Variants in NLRP4 observed in about 807,000 individuals in gnomAD.
The protein encoded by NLRP4 is NACHT, LRR and PYD domains-containing protein 4.
NLRP4 carries 44 observed loss-of-function variants against 84.7 expected under a neutral mutation model. That is an observed-to-expected ratio of 0.52 (90% CI 0.41 to 0.67). The LOEUF (loss-of-function observed/expected upper bound fraction) is 0.67, where lower values mean the gene tolerates loss of function less well. Ranked by LOEUF, NLRP4 falls within the 30% of genes least tolerant of loss-of-function variation. The pLI is 0.00. For synonymous variants in NLRP4, 544 were observed against 476.4 expected (o/e 1.14, Z -1.85); for missense variants, 1,260 against 1,219.4 (o/e 1.03, Z -0.50).
At chr19:55,865,912 G>A (rs1984935847) in intron 5 of NLRP4, among the ~76,000 whole-genome samples, 1 of 152,180 alleles carries the variant, frequency 6.6e-6, no homozygotes, top group Non-Finnish European at 1.5e-5. Context: ...AAGCACAAAA[G>A]CTTCTAATCT....
At position 55,853,867 on chromosome 19, in the gene NLRP4, CTCTT is replaced by C. The variant is rs1420967426; in HGVS notation, c.280+1511_280+1514del. Among the ~76,000 whole-genome samples the C allele has an allele frequency of 5.9e-5, 9 of 151,356 alleles. 1 individual carries two copies. The highest frequency in any genetic ancestry group is 2.1e-4 in the South Asian group (1 of 4,762). ...GTTCTGTCTTTCTCTCTCTTCCTCTCTCTTTCTCTCTTGCTATCTCTTTCTCTCT... is the reference window on the plus strand; with the variant it reads ...GTTCTGTCTTTCTCTCTCTTCCTCTCTCTCTCTTGCTATCTCTTTCTCTCT... On this transcript the variant is annotated intron_variant, in intron 2 of 9. Coordinates refer to ENST00000301295, the MANE Select transcript of NLRP4 (RefSeq NM_134444.5).
Position 55,858,105 on chromosome 19 carries a change from G to A in NLRP4, c.712G>A (p.Gly238Ser). The A allele has an allele frequency of 1.2e-6, 2 of 1,614,126 alleles. No individual in the cohort carries two copies. Among genetic ancestry groups the A allele is most frequent in the South Asian group, 1.1e-5 (1 of 91,058 alleles). Reference sequence around the variant, plus strand: ...CATCGACAGCTTCGAAGAGCTGCAGGGCGGCTTGAACGAACCCGATTCGGA... The same window carrying A: ...CATCGACAGCTTCGAAGAGCTGCAGAGCGGCTTGAACGAACCCGATTCGGA... The part of the protein sequence containing the change: ...FVIDSFEELQ[G>S]GLNEPDSDLC... Residue 238 changes from glycine to serine, a missense_variant, in exon 3 of 10, where the codon GGC becomes AGC. This residue lies in a region of NLRP4 where 712 missense variants were observed against 669.2 expected (regional missense o/e 1.06). Coordinates refer to ENST00000301295, the MANE Select transcript of NLRP4 (RefSeq NM_134444.5). The surrounding 1 kb of genome is among the most constrained non-coding windows in gnomAD (Gnocchi z 4.2).
In NLRP4 at chr19:55,858,697, C is replaced by T; in HGVS notation, c.1304C>T (p.Thr435Ile). 6.2e-7 allele frequency: 1 copy of T among 1,614,022 alleles called. No individual in the cohort carries two copies. The highest frequency in any genetic ancestry group is 8.5e-7 in the Non-Finnish European group (1 of 1,179,954). ...GCTGACATCCCTGCGCTGCTGGGCA[C>T]CAAGATACTTCTGAAGTACGGGGAG... ...VDADIPALLG[T>I]KILLKYGERE... The change falls in exon 3 of 10, where the codon ACC (threonine) becomes ATC (isoleucine). Residue 435 changes from threonine (T) to isoleucine (I), a missense_variant. This residue lies in a region of NLRP4 where 712 missense variants were observed against 669.2 expected (regional missense o/e 1.06). Transcript: ENST00000301295. The surrounding 1 kb of genome is among the most constrained non-coding windows in gnomAD (Gnocchi z 4.2).
intron 1 of NLRP4, among the ~76,000 whole-genome samples, chr19:55,850,365 A>C (rs1280652067): frequency 2.1e-5 from 1 of 47,988 alleles, no homozygotes. Flanking sequence ...CTGCGGTGTA[A>C]TTTCCGAGGC....
rs775566939 is a variant in NLRP4 at position 55,858,928 on chromosome 19, A to G, written c.1535A>G (p.Gln512Arg). ...ACTGGCCTTTTAAATAAAAAGGAAC[A>G]AGAAAAACTGGATGCGTTTTTTGGC... Reference protein sequence around the residue: ...FLTGLLNKKEQEKLDAFFGFQ... With the variant: ...FLTGLLNKKEREKLDAFFGFQ... The change falls in exon 3 of 10, where the codon CAA (glutamine) becomes CGA (arginine). Residue 512 changes from glutamine (Q) to arginine (R), a missense_variant. Around this residue, in one of 3 missense-constraint regions of NLRP4, gnomAD observed 712 missense variants for 669.2 expected, o/e 1.06. Transcript: ENST00000301295. The surrounding 1 kb of genome is among the most constrained non-coding windows in gnomAD (Gnocchi z 4.2). 2.5e-6 allele frequency: 4 copies of G among 1,614,142 alleles called. No individual in the cohort carries two copies. The East Asian group carries it at 8.9e-5, about 36-fold the overall frequency.
intron 1 of NLRP4, among the ~76,000 whole-genome samples, chr19:55,841,837 C>G (rs1377109513): frequency 6.6e-6 from 1 of 152,076 alleles, no homozygotes; most frequent in African/African-American, 2.4e-5. Flanking sequence ...TGCACTCCAG[C>G]CTGGGTGATA....
intron 1 of NLRP4, among the ~76,000 whole-genome samples, chr19:55,850,748 C>CCGAGGCTGCGGTGTAATGT (rs1984073505): frequency 1.0e-5 from 1 of 95,856 alleles, no homozygotes; most frequent in Non-Finnish European, 2.0e-5. Context: ...CGGTGTACTT[C>CCGAGGCTGCGGTGTAATGT]CCGAGGCTGC....
intron 2 of NLRP4, among the ~76,000 whole-genome samples, chr19:55,856,744 G>C (rs923195807): frequency 2.0e-5 from 3 of 152,006 alleles, no homozygotes; most frequent in Non-Finnish European, 4.4e-5. Flanking sequence ...TTGATCTCTT[G>C]ACTTCATGAT....
In NLRP4 at chr19:55,858,431, C is replaced by T; in HGVS notation, c.1038C>T (p.Ile346=). The T allele has an allele frequency of 6.2e-7, 1 of 1,614,110 alleles. No homozygotes were observed. Among genetic ancestry groups the T allele is most frequent in the East Asian group, 2.2e-5 (1 of 44,884 alleles). Residue 346 remains isoleucine, a synonymous_variant, in exon 3 of 10, where the codon ATC becomes ATT. Coordinates refer to ENST00000301295, the MANE Select transcript of NLRP4 (RefSeq NM_134444.5). This position sits in a 1 kb window ranked among gnomAD's most constrained non-coding sequence, Gnocchi z 4.2. Reference sequence around the variant, plus strand: ...GCCAAATCCCGCTCCTCTGCTGGATCCTGTGTACCAGTCTGAAGCAAGAGA... The same window carrying T: ...GCCAAATCCCGCTCCTCTGCTGGATTCTGTGTACCAGTCTGAAGCAAGAGA... ...SICQIPLLCW[I]LCTSLKQEMQ...
rs1401989710 is a variant in NLRP4 at position 55,849,892 on chromosome 19, GGCCGGCGGTGTAATTTCCGTA to G, written c.-65-2119_-65-2099del. Among the ~76,000 whole-genome samples the G allele has an allele frequency of 7.0e-3, 153 of 21,924 alleles. 6 individuals are homozygous for G. The highest frequency in any genetic ancestry group is 0.023 in the Middle Eastern group (1 of 44). The allele number at this position is 21,924 out of a possible 152,430, so 14.4% of individuals were successfully genotyped here. ...TCCGTGGCCGCGGTGTAATTTCCGT[GGCCGGCGGTGTAATTTCCGTA>G]GCCGCGGTGTAATTTCCGTAGCCGC... On this transcript the variant is annotated intron_variant, in intron 1 of 9. Coordinates refer to ENST00000301295, the MANE Select transcript of NLRP4 (RefSeq NM_134444.5).
intron 1 of NLRP4, among the ~76,000 whole-genome samples, chr19:55,840,616 TC>T (rs1845653588): frequency 6.6e-6 from 1 of 152,210 alleles, no homozygotes; most frequent in Admixed American, 6.5e-5. Flanking sequence ...GCCAGGCTGG[TC>T]TAGATCTCCT....
chr19:55,876,163 C>G (rs909780105), intron 7 of NLRP4, among the ~76,000 whole-genome samples: 3 of 152,176 alleles, frequency 2.0e-5, no homozygotes, highest in African/African-American at 7.2e-5. Context: ...ATCTCAGAAA[C>G]AGACTGATCC....
At chr19:55,847,951 G>A (rs1290318507) in intron 1 of NLRP4, among the ~76,000 whole-genome samples, 4 of 152,132 alleles carry the variant, frequency 2.6e-5, no homozygotes, top group Non-Finnish European at 4.4e-5. Context: ...TCCTGACCTC[G>A]TGATCTGCCT....
chr19:55,859,670 G>A (rs1984644069), intron 3 of NLRP4, among the ~76,000 whole-genome samples: 1 of 151,962 alleles, frequency 6.6e-6, no homozygotes, highest in East Asian at 1.9e-4. Context: ...GCTCATGCCT[G>A]TAACCCTACC....
chr19:55,879,024 T>C (rs900501831), intron 9 of NLRP4, 60 bp downstream of exon 9: 2 of 1,333,448 alleles, frequency 1.5e-6, no homozygotes, highest in African/African-American at 2.9e-5. Context: ...AGGGATTGGC[T>C]GGGACCTGCA....
In NLRP4 at chr19:55,880,945, G is replaced by A. The variant is rs1459887887; in HGVS notation, c.2868-525G>A. Among the ~76,000 whole-genome samples the A allele has an allele frequency of 7.9e-5, 12 of 152,130 alleles. No individual in the cohort carries two copies. In the East Asian group the frequency reaches 9.6e-4, roughly 12 times the overall value. ...GCAGAGGGCCAGGGCCCAGGTACTC[G>A]GATAATGGAAACTATTAACTTTATC... is the stretch of plus-strand genomic sequence containing the variant. On this transcript the variant is annotated intron_variant, in intron 9 of 9. Coordinates refer to ENST00000301295, the MANE Select transcript of NLRP4 (RefSeq NM_134444.5).
chr19:55,852,368 A>G lies in NLRP4; in HGVS notation c.280+8A>G. The G allele has an allele frequency of 6.4e-7, 1 of 1,570,176 alleles. No homozygotes were observed. Among genetic ancestry groups the G allele is most frequent in the Non-Finnish European group, 8.6e-7 (1 of 1,162,248 alleles). Reference sequence around the variant, plus strand: ...TCATGAGGGAGAGAACAGGTGAGGGAGTCTGGGAAGGGGGAAGCCTTCTTA... The same window carrying G: ...TCATGAGGGAGAGAACAGGTGAGGGGGTCTGGGAAGGGGGAAGCCTTCTTA... On this transcript the variant is annotated splice_region_variant and intron_variant, in intron 2 of 9. Transcript: ENST00000301295.
In NLRP4 at chr19:55,881,628, A is replaced by T; in HGVS notation, c.*41A>T. ...GCTCTGACTCGAACACCTGCAAAGG[A>T]CAGGGACTGGGACCGTTACTTACAT... On this transcript the variant is annotated 3_prime_UTR_variant, in exon 10 of 10. Transcript: ENST00000301295. 1 of 949,554 alleles carries T rather than the reference A, an allele frequency of 1.1e-6. No homozygotes were observed. The highest frequency in any genetic ancestry group is 1.4e-5 in the South Asian group (1 of 73,884). The allele number at this position is 949,554 out of a possible 1,614,324, so 58.8% of individuals were successfully genotyped here.
In NLRP4 at chr19:55,858,825, A is replaced by G. The variant is rs1391484086; in HGVS notation, c.1432A>G (p.Arg478Gly). 6.2e-7 allele frequency: 1 copy of G among 1,614,062 alleles called. No homozygotes were observed. The highest frequency in any genetic ancestry group is 1.1e-5 in the South Asian group (1 of 91,080). Residue 478 changes from arginine to glycine, a missense_variant, in exon 3 of 10, where the codon AGA becomes GGA. Arg to Gly is a moderately radical substitution (Grantham distance 125, BLOSUM62 -2). Coordinates refer to ENST00000301295, the MANE Select transcript of NLRP4 (RefSeq NM_134444.5). The surrounding 1 kb of genome is among the most constrained non-coding windows in gnomAD (Gnocchi z 4.2). ...SHLDHPHPAVRCVQELLVANF... is the reference protein window; with the variant it reads ...SHLDHPHPAVGCVQELLVANF... Reference sequence around the variant, plus strand: ...CCTTGATCATCCTCACCCAGCTGTGAGATGTGTACAGGAATTGCTAGTTGC... The same window carrying G: ...CCTTGATCATCCTCACCCAGCTGTGGGATGTGTACAGGAATTGCTAGTTGC...
Sources: allele counts gnomAD v4.1 joint callset (sites outside exome capture counted in the v4.1 genomes callset), GRCh38; gene constraint gnomAD v4.1.1; regional missense constraint gnomAD v4.1.1; non-coding constraint Gnocchi (gnomAD v3.1); transcripts MANE v1.5; gene names NCBI Gene and HGNC (gene_info 2026-07-23, HGNC 2026-07-21).